The following SIRPD variants were observed in gnomAD, a reference collection of about 807,000 sequenced individuals.
The protein encoded by SIRPD is signal regulatory protein delta, also known as signal-regulatory protein delta.
SIRPD carries 21 observed loss-of-function variants against 18.0 expected under a neutral mutation model. That is an observed-to-expected ratio of 1.17 (90% confidence interval 0.83 to 1.68). SIRPD has a LOEUF of 1.68. Among genes scored for constraint, SIRPD ranks in the 40% most tolerant of loss-of-function variants. The pLI, the probability that SIRPD is intolerant of heterozygous loss-of-function variation, is 0.00. For synonymous variants in SIRPD, 106 were observed against 92.9 expected (o/e 1.14, Z -0.81); for missense variants, 295 against 238.4 (o/e 1.24, Z -1.56).
chr20:1,547,922 T>C lies in SIRPD; in HGVS notation c.421+3769A>G, dbSNP rs551236879. On this transcript the variant is annotated intron_variant, in intron 2 of 3. Coordinates refer to ENST00000381623, the MANE Select transcript of SIRPD (RefSeq NM_178460.3). ...TGTGTGGAAATGTAATAGATTTTTG[T>C]ATATTGAACTGTACTCTCAAGCTTG... 2.0e-5 allele frequency among the ~76,000 whole-genome samples: 3 copies of C among 152,366 alleles called. No individual in the cohort carries two copies. In the South Asian group the frequency reaches 6.2e-4, roughly 32 times the overall value.
At chr20:1,546,276 C>T (rs913993758) in intron 2 of SIRPD, among the ~76,000 whole-genome samples, 5 of 152,194 alleles carry the variant, frequency 3.3e-5, no homozygotes, top group Admixed American at 3.3e-4. Flanking sequence ...ATCTATAAGC[C>T]CCTGACTGGG....
chr20:1,554,956 G>A (rs1040071098), intron 1 of SIRPD, among the ~76,000 whole-genome samples: 1 of 152,098 alleles, frequency 6.6e-6, no homozygotes, highest in Non-Finnish European at 1.5e-5. Context: ...TTCTTGGGTA[G>A]CACACAAGCC....
At chr20:1,549,549 G>C (rs768538103) in intron 2 of SIRPD, among the ~76,000 whole-genome samples, 2 of 151,878 alleles carry the variant, frequency 1.3e-5, no homozygotes, top group Non-Finnish European at 2.9e-5. Flanking sequence ...TGAGTGACTG[G>C]ATGGATTATT....
At chr20:1,555,710 G>C (rs2091037496) in intron 1 of SIRPD, among the ~76,000 whole-genome samples, 2 of 152,192 alleles carry the variant, frequency 1.3e-5, no homozygotes, top group Admixed American at 1.3e-4. Context: ...ACTTTATTTT[G>C]AATGGTTTTG....
At chr20:1,545,957 C>A (rs972180252) in intron 2 of SIRPD, among the ~76,000 whole-genome samples, 3 of 152,240 alleles carry the variant, frequency 2.0e-5, no homozygotes, top group Admixed American at 2.0e-4. Flanking sequence ...GACTGCAGAA[C>A]AGCAAAGATT....
chr20:1,551,829 GC>G lies in SIRPD; in HGVS notation c.282del (p.Lys94AsnfsTer25). ...CGGGTGGAAAAGTCTGTGTTGCCAG[GC>G]TTGGTGGTGTCTCCAATCTCTTTTA... ...PRVKEIGDTT[K>X]PGNTDFSTRI... On this transcript the variant is annotated frameshift_variant, in exon 2 of 4. Coordinates refer to ENST00000381623, the MANE Select transcript of SIRPD (RefSeq NM_178460.3). LOFTEE classifies it high-confidence loss of function. 6.2e-7 allele frequency: 1 copy of G among 1,614,104 alleles called. No individual in the cohort carries two copies. The highest frequency in any genetic ancestry group is 8.5e-7 in the Non-Finnish European group (1 of 1,179,988).
intron 1 of SIRPD, among the ~76,000 whole-genome samples, chr20:1,555,485 T>A (rs2091036519): frequency 6.6e-6 from 1 of 152,202 alleles, no homozygotes; most frequent in Admixed American, 6.5e-5. Flanking sequence ...AGATTTTAAA[T>A]GTTCTTACCA....
intron 2 of SIRPD, among the ~76,000 whole-genome samples, chr20:1,545,775 G>C (rs1311549434): frequency 6.6e-6 from 1 of 152,166 alleles, no homozygotes; most frequent in Non-Finnish European, 1.5e-5. Context: ...GATCTTGGAT[G>C]TTGGTGACCT....
chr20:1,554,924 A>G (rs977925813), intron 1 of SIRPD, among the ~76,000 whole-genome samples: 3 of 152,256 alleles, frequency 2.0e-5, no homozygotes, highest in African/African-American at 7.2e-5. Context: ...CTTATTCCTT[A>G]GTACTTAATT....
chr20:1,542,586 A>T (rs957962858), intron 2 of SIRPD, among the ~76,000 whole-genome samples: 1 of 152,246 alleles, frequency 6.6e-6, no homozygotes, highest in Non-Finnish European at 1.5e-5. Flanking sequence ...ATCTGTAAAC[A>T]GAAACAATTT....
chr20:1,546,000 C>T (rs2090992032), intron 2 of SIRPD, among the ~76,000 whole-genome samples: 1 of 152,182 alleles, frequency 6.6e-6, no homozygotes, highest in South Asian at 2.1e-4. Flanking sequence ...AGCTTCATCC[C>T]AGAGGGGCAC....
intron 2 of SIRPD, among the ~76,000 whole-genome samples, chr20:1,541,336 G>A (rs1033289445): frequency 1.3e-5 from 2 of 152,162 alleles, no homozygotes; most frequent in Non-Finnish European, 2.9e-5. Flanking sequence ...CATTCTAACT[G>A]GCCTGAGATG....
chr20:1,536,194 C>T, intron 3 of SIRPD, among the ~76,000 whole-genome samples: 1 of 152,224 alleles, frequency 6.6e-6, no homozygotes, highest in East Asian at 1.9e-4. Context: ...CCAGAGCTCA[C>T]ATAGGTGGTT....
In SIRPD at chr20:1,534,283, C is replaced by T. The variant is rs535045667; in HGVS notation, c.*142G>A. On this transcript the variant is annotated 3_prime_UTR_variant, in exon 4 of 4. Transcript: ENST00000381623. Reference sequence around the variant, plus strand: ...CAGGTAAATAGACAGATTTATTGTACGATCAAGCTGGCATTTTATGTCAGT... The same window carrying T: ...CAGGTAAATAGACAGATTTATTGTATGATCAAGCTGGCATTTTATGTCAGT... The T allele has an allele frequency of 6.5e-4, 739 of 1,133,494 alleles. 2 individuals carry two copies. The highest frequency in any genetic ancestry group is 8.7e-4 in the Non-Finnish European group (675 of 777,962). 70.2% of individuals were successfully genotyped at this position (1,133,494 alleles called of 1,614,324 possible). A position where few individuals can be genotyped will look rare whatever the true frequency, so the allele number is the denominator to read the frequency against.
intron 2 of SIRPD, among the ~76,000 whole-genome samples, chr20:1,543,485 A>G (rs1366039935): frequency 1.3e-5 from 2 of 151,444 alleles, no homozygotes; most frequent in Non-Finnish European, 2.9e-5. Flanking sequence ...TCCCTTCTTC[A>G]TTTTTTATTG....
chr20:1,557,328 G>T (rs1240296346), intron 1 of SIRPD, among the ~76,000 whole-genome samples: 11 of 152,090 alleles, frequency 7.2e-5, no homozygotes, highest in Admixed American at 7.2e-4. Flanking sequence ...AGCTGTGATG[G>T]ATGCTGTGCC....
chr20:1,549,334 T>C (rs1339705495), intron 2 of SIRPD, among the ~76,000 whole-genome samples: 1 of 152,072 alleles, frequency 6.6e-6, no homozygotes, highest in Non-Finnish European at 1.5e-5. Flanking sequence ...CTGTTAAGTT[T>C]GACATCTGAT....
intron 2 of SIRPD, among the ~76,000 whole-genome samples, chr20:1,550,916 G>T (rs1424913637): frequency 6.6e-6 from 1 of 152,146 alleles, no homozygotes; most frequent in Non-Finnish European, 1.5e-5. Context: ...AATTTCTCAG[G>T]CTGGATATTG....
At chr20:1,550,882 G>A (rs1444040643) in intron 2 of SIRPD, among the ~76,000 whole-genome samples, 2 of 152,148 alleles carry the variant, frequency 1.3e-5, no homozygotes, top group Admixed American at 1.3e-4. Flanking sequence ...ATAAATGTTA[G>A]CATTATTGTA....
Sources: gnomAD v4.1 joint callset for allele counts (sites outside exome capture counted in the v4.1 genomes callset) on GRCh38, gnomAD v4.1.1 for gene constraint, MANE v1.5 for transcripts, NCBI Gene and HGNC (gene_info 2026-07-23, HGNC 2026-07-21) for gene names.